HDAC4: variants seen among roughly 807,000 people sequenced by gnomAD.
HDAC4 encodes the protein histone deacetylase 4.
HDAC4 carries 16 observed loss-of-function variants against 135.1 expected under a neutral mutation model. The ratio of observed to expected loss-of-function variants is 0.12; its 90% CI spans 0.08 to 0.18. HDAC4 has a LOEUF of 0.18. Ranked by LOEUF, HDAC4 falls within the 10% of genes least tolerant of loss-of-function variation. The pLI is 1.00. For missense variants in HDAC4, 1,143 were observed against 1,511.8 expected (o/e 0.76, Z 4.05); for synonymous variants, 685 against 653.4 (o/e 1.05, Z -0.74).
At chr2:239,389,206 G>A (rs1696031473) in intron 1 of HDAC4, among the ~76,000 whole-genome samples, 1 of 152,158 alleles carries the variant, frequency 6.6e-6, no homozygotes, top group African/African-American at 2.4e-5. Flanking sequence ...GACGTGGGTG[G>A]GGACAAATAA....
intron 2 of HDAC4, among the ~76,000 whole-genome samples, chr2:239,295,319 A>AG (rs2051815327): frequency 6.6e-6 from 1 of 150,830 alleles, no homozygotes; most frequent in East Asian, 1.9e-4. Flanking sequence ...AAAAAAAAAA[A>AG]AAAAAAAAAA....
intron 3 of HDAC4, among the ~76,000 whole-genome samples, chr2:239,193,189 GT>G (rs2045121855): frequency 6.6e-6 from 1 of 152,222 alleles, no homozygotes; most frequent in Non-Finnish European, 1.5e-5. Flanking sequence ...TAGAAACAGG[GT>G]CCCACCACAG....
rs1490006238 is a variant in HDAC4 at position 239,349,517 on chromosome 2, C to T, written c.22+3161G>A. On this transcript the variant is annotated intron_variant, in intron 2 of 26. Transcript: ENST00000543185. The surrounding 1 kb of genome is among the most constrained non-coding windows in gnomAD (Gnocchi z 5.7). ...TCAGCTGACAAGAAACACAGAGGAA[C>T]TTCCCGAAACTAGAGATCTCTGGGG... is the stretch of plus-strand genomic sequence containing the variant. Among the ~76,000 whole-genome samples, 2 of 152,232 alleles carry T rather than the reference C, an allele frequency of 1.3e-5. No homozygotes were observed. Among genetic ancestry groups the T allele is most frequent in the African/African-American group, 2.4e-5 (1 of 41,472 alleles).
intron 2 of HDAC4, among the ~76,000 whole-genome samples, chr2:239,321,792 C>T (rs2053324259): frequency 6.6e-6 from 1 of 152,176 alleles, no homozygotes; most frequent in Non-Finnish European, 1.5e-5. Flanking sequence ...CCCGCCCACA[C>T]CAGGACTTCC....
chr2:239,356,153 A>G (rs967515513), intron 1 of HDAC4, among the ~76,000 whole-genome samples: 1 of 152,238 alleles, frequency 6.6e-6, no homozygotes, highest in African/African-American at 2.4e-5. Context: ...AACATCACAT[A>G]GTTTTAAAAA....
chr2:239,179,038 C>T (rs1428195320), intron 4 of HDAC4, among the ~76,000 whole-genome samples: 4 of 149,170 alleles, frequency 2.7e-5, no homozygotes, highest in Non-Finnish European at 5.9e-5. Flanking sequence ...CCACCGGACG[C>T]CTGAGGCATA....
chr2:239,072,672 C>T (rs777588254), intron 22 of HDAC4, among the ~76,000 whole-genome samples: 11 of 152,266 alleles, frequency 7.2e-5, no homozygotes, highest in African/African-American at 1.4e-4. Flanking sequence ...TCACGGCAGA[C>T]GGCAGCAGGG....
At chr2:239,297,456 T>C (rs933422193) in intron 2 of HDAC4, among the ~76,000 whole-genome samples, 7 of 152,172 alleles carry the variant, frequency 4.6e-5, no homozygotes, top group African/African-American at 1.4e-4. Context: ...TGTGACAGCA[T>C]AGGGTTGAGA....
intron 12 of HDAC4, among the ~76,000 whole-genome samples, chr2:239,123,771 G>A (rs2152839338): frequency 6.6e-6 from 1 of 152,318 alleles, no homozygotes; most frequent in East Asian, 1.9e-4. Context: ...GGTCAGGGCT[G>A]CGGGAAGAGG....
intron 3 of HDAC4, among the ~76,000 whole-genome samples, chr2:239,208,275 C>T (rs1379084709): frequency 1.5e-5 from 2 of 136,936 alleles, no homozygotes; most frequent in African/African-American, 5.5e-5. Context: ...TGCAGTGAGC[C>T]GAGATCGCGC....
At chr2:239,253,933 G>A (rs1169346554) in intron 2 of HDAC4, among the ~76,000 whole-genome samples, 1 of 152,108 alleles carries the variant, frequency 6.6e-6, no homozygotes, top group Non-Finnish European at 1.5e-5. Flanking sequence ...CTGTGTCCGG[G>A]CAGAACTCTT....
At chr2:239,377,777 G>C (rs1695123825) in intron 1 of HDAC4, among the ~76,000 whole-genome samples, 1 of 152,134 alleles carries the variant, frequency 6.6e-6, no homozygotes, top group South Asian at 2.1e-4. Context: ...CAGGATGCAA[G>C]ACGGACATCT....
chr2:239,313,495 C>G lies in HDAC4; in HGVS notation c.22+39183G>C, dbSNP rs973574428. Among the ~76,000 whole-genome samples the G allele has an allele frequency of 6.6e-6, 1 of 152,124 alleles. No individual in the cohort carries two copies. The highest frequency in any genetic ancestry group is 2.4e-5 in the African/African-American group (1 of 41,432). Reference sequence around the variant, plus strand: ...TCCCACCGAGCACTGATACCGCAGGCTGGACTCTTCCTAACCTCACGAGAG... The same window carrying G: ...TCCCACCGAGCACTGATACCGCAGGGTGGACTCTTCCTAACCTCACGAGAG... On this transcript the variant is annotated intron_variant, in intron 2 of 26. Coordinates refer to ENST00000543185, the MANE Select transcript of HDAC4 (RefSeq NM_001378414.1). The surrounding 1 kb of genome is among the most constrained non-coding windows in gnomAD (Gnocchi z 5.1).
chr2:239,140,156 G>T (rs991110292), intron 8 of HDAC4, among the ~76,000 whole-genome samples: 1 of 152,194 alleles, frequency 6.6e-6, no homozygotes, highest in Non-Finnish European at 1.5e-5. Flanking sequence ...AAAGCAAAAG[G>T]TCAGCTTTCC....
chr2:239,379,616 C>T (rs1201663187), intron 1 of HDAC4, among the ~76,000 whole-genome samples: 1 of 152,172 alleles, frequency 6.6e-6, no homozygotes, highest in Non-Finnish European at 1.5e-5. Context: ...CCCTAGCGCT[C>T]CCCACAGCCC....
chr2:239,138,549 A>T (rs2041127628), intron 9 of HDAC4, among the ~76,000 whole-genome samples: 1 of 152,234 alleles, frequency 6.6e-6, no homozygotes, highest in Non-Finnish European at 1.5e-5. Context: ...TGCCCCATGA[A>T]GCAGACACAG....
chr2:239,298,861 C>CTTTT (rs2052070393), intron 2 of HDAC4, among the ~76,000 whole-genome samples: 2 of 126,550 alleles, frequency 1.6e-5, no homozygotes, highest in Admixed American at 8.3e-5. Context: ...TGGCCATAGC[C>CTTTT]TATTTTTTTT....
At chr2:239,205,307 T>C (rs2045978407) in intron 3 of HDAC4, among the ~76,000 whole-genome samples, 1 of 151,828 alleles carries the variant, frequency 6.6e-6, no homozygotes, top group African/African-American at 2.4e-5. Flanking sequence ...TCAAGACAAC[T>C]TCAAAGCGAA....
intron 2 of HDAC4, among the ~76,000 whole-genome samples, chr2:239,244,703 G>A (rs1004890856): frequency 2.0e-5 from 3 of 152,248 alleles, no homozygotes; most frequent in African/African-American, 7.2e-5. Flanking sequence ...AACCCCCAGA[G>A]GGGTCTCCAT....
Sources: gnomAD v4.1 joint callset for allele counts (sites outside exome capture counted in the v4.1 genomes callset) on GRCh38, gnomAD v4.1.1 for gene constraint, Gnocchi (gnomAD v3.1) non-coding constraint, MANE v1.5 for transcripts, NCBI Gene and HGNC (gene_info 2026-07-23, HGNC 2026-07-21) for gene names.